Variants in SHROOM3 observed in about 807,000 individuals in gnomAD.
SHROOM3 encodes protein Shroom3.
In SHROOM3, 47 loss-of-function variants were observed where a neutral mutation model predicts 138.6. The observed-to-expected ratio is 0.34, with a 90% confidence interval of 0.27 to 0.43. The LOEUF is 0.43. SHROOM3 is among the 20% of genes least tolerant of loss of function. SHROOM3 has a pLI of 1.00. For synonymous variants in SHROOM3, 1,062 were observed against 1,063.3 expected (o/e 1.00, Z 0.02); for missense variants, 2,491 against 2,596.5 (o/e 0.96, Z 0.88).
chr4:76,589,722 C>T (rs4565104), intron 2 of SHROOM3, among the ~76,000 whole-genome samples: 57,391 of 152,002 alleles, frequency 0.38, 11,147 homozygotes, highest in East Asian at 0.54. Context: ...CCTCCAGGGG[C>T]GGGGGTCCCA....
At chr4:76,452,771 G>T (rs7439584) in intron 1 of SHROOM3, among the ~76,000 whole-genome samples, 150,461 of 152,274 alleles carry the variant, frequency 0.99, 74,357 homozygotes, top group East Asian at 1. Context: ...AGGCTGGAGT[G>T]CAATGGCACG....
intron 1 of SHROOM3, among the ~76,000 whole-genome samples, chr4:76,452,683 T>C (rs1730949240): frequency 6.6e-6 from 1 of 152,226 alleles, no homozygotes; most frequent in African/African-American, 2.4e-5. Context: ...TTGTGAATAG[T>C]GAGCTATGTA....
chr4:76,552,086 C>A (rs898919404), intron 1 of SHROOM3, among the ~76,000 whole-genome samples: 1 of 150,138 alleles, frequency 6.7e-6, no homozygotes, highest in Non-Finnish European at 1.5e-5. Context: ...TGGACTCGAT[C>A]TCCTGACCTT....
chr4:76,650,440 A>G (rs1735929261), intron 2 of SHROOM3, among the ~76,000 whole-genome samples: 2 of 152,224 alleles, frequency 1.3e-5, no homozygotes, highest in South Asian at 4.1e-4. Context: ...TGCAGGGTAT[A>G]TACCTCAAAG....
chr4:76,695,374 T>A (rs919994312), intron 2 of SHROOM3, among the ~76,000 whole-genome samples: 9 of 152,178 alleles, frequency 5.9e-5, no homozygotes, highest in African/African-American at 2.2e-4. Context: ...GAGGTCTATG[T>A]AGGGATGGAC....
chr4:76,500,040 T>G (rs777113362), intron 1 of SHROOM3, among the ~76,000 whole-genome samples: 1 of 152,210 alleles, frequency 6.6e-6, no homozygotes, highest in Non-Finnish European at 1.5e-5. Context: ...TTAAATGTGT[T>G]GCCTAAAGGC....
intron 2 of SHROOM3, among the ~76,000 whole-genome samples, chr4:76,605,611 T>C (rs1734596719): frequency 6.6e-6 from 1 of 152,120 alleles, no homozygotes; most frequent in South Asian, 2.1e-4. Flanking sequence ...AATTGCTTAG[T>C]TGTTGAGAGA....
Position 76,756,611 on chromosome 4 carries a change from T to G in SHROOM3, c.4872T>G (p.Leu1624=). 1 of 1,613,734 alleles carries G rather than the reference T, an allele frequency of 6.2e-7. No individual in the cohort carries two copies. The highest frequency in any genetic ancestry group is 8.5e-7 in the Non-Finnish European group (1 of 1,179,934). The change falls in exon 8 of 11, where the codon CTT becomes CTG. Residue 1624 remains leucine (L), a synonymous_variant. Transcript: ENST00000296043. ...CCTTCATGAGCGTTCACGCCCAACT[T>G]GCTGGGTCTCTTGGTGGGCAGCCAG... ...PPSFMSVHAQ[L]AGSLGGQPAP...
At chr4:76,533,129 T>C (rs1261825874) in intron 1 of SHROOM3, among the ~76,000 whole-genome samples, 1 of 152,194 alleles carries the variant, frequency 6.6e-6, no homozygotes. Flanking sequence ...CCATTGAATA[T>C]TTTTGGACCA....
intron 1 of SHROOM3, among the ~76,000 whole-genome samples, chr4:76,479,635 A>G (rs1731563273): frequency 6.6e-6 from 1 of 152,186 alleles, no homozygotes; most frequent in South Asian, 2.1e-4. Context: ...AGAGAATACC[A>G]TAAAGATACT....
Position 76,770,708 on chromosome 4 carries a change from A to G in SHROOM3, c.5432A>G (p.Asn1811Ser), listed in dbSNP as rs1426012862. The change falls in exon 10 of 11, where the codon AAC (asparagine) becomes AGC (serine). Residue 1811 changes from asparagine to serine, a missense_variant. Asn to Ser is a conservative substitution (Grantham distance 46, BLOSUM62 1). Transcript: ENST00000296043. ...KGSLLTDIKL[N>S]NALGEEVEAL... is the part of the protein sequence containing the mutation. ...AGCCTGCTCACGGACATCAAGCTCA[A>G]CAACGCCCTGGGAGAAGAGGTGGAG... is the stretch of plus-strand genomic sequence containing the variant. The G allele has an allele frequency of 6.2e-7, 1 of 1,614,190 alleles. No individual in the cohort carries two copies. The highest frequency in any genetic ancestry group is 8.5e-7 in the Non-Finnish European group (1 of 1,180,036).
chr4:76,731,509 A>T (rs900909800), intron 4 of SHROOM3, among the ~76,000 whole-genome samples: 5 of 152,144 alleles, frequency 3.3e-5, no homozygotes, highest in Admixed American at 6.5e-5. Flanking sequence ...GGCTGGGTGC[A>T]GTGGCTTATG....
chr4:76,658,249 C>T (rs2110091711), intron 2 of SHROOM3, among the ~76,000 whole-genome samples: 1 of 152,282 alleles, frequency 6.6e-6, no homozygotes, highest in South Asian at 2.1e-4. Context: ...TGTTTGCTAC[C>T]TTAGTTGGAA....
intron 2 of SHROOM3, among the ~76,000 whole-genome samples, chr4:76,587,846 T>C (rs1163523511): frequency 1.3e-5 from 2 of 152,236 alleles, no homozygotes; most frequent in Admixed American, 6.5e-5. Context: ...AGTGAATTTA[T>C]AAATGTTGAA....
rs544841258 is a variant in SHROOM3 at position 76,620,659 on chromosome 4, C to T, written c.323+64896C>T. Among the ~76,000 whole-genome samples the T allele has an allele frequency of 5.3e-5, 8 of 152,164 alleles. No homozygotes were observed. The South Asian group carries it at 1.7e-3, about 32-fold the overall frequency. On this transcript the variant is annotated intron_variant, in intron 2 of 10. Coordinates refer to ENST00000296043, the MANE Select transcript of SHROOM3 (RefSeq NM_020859.4). The stretch of plus-strand genomic sequence containing the variant: ...CGTTTGGACAAACTTGAAAGCCCGA[C>T]TACAGGGGATTAATAAATGTGAGTG...
At chr4:76,601,168 A>G (rs1344274846) in intron 2 of SHROOM3, among the ~76,000 whole-genome samples, 1 of 152,220 alleles carries the variant, frequency 6.6e-6, no homozygotes, top group Non-Finnish European at 1.5e-5. Context: ...ACAGTTAAAA[A>G]TTTACATCAG....
At position 76,754,805 on chromosome 4, in the gene SHROOM3, G is replaced by C. The variant is rs778669488; in HGVS notation, c.4322G>C (p.Ser1441Thr). The C allele has an allele frequency of 6.8e-6, 11 of 1,614,044 alleles. No individual in the cohort carries two copies. In the South Asian group the frequency reaches 9.9e-5, roughly 14 times the overall value. ...TGGGCCCACGCAGCCAGAGAGGACA[G>C]CCTTCCTGAGGAATCCTCAGCCCCT... Reference protein sequence around the residue: ...AKWAHAAREDSLPEESSAPDF... With the variant: ...AKWAHAAREDTLPEESSAPDF... Residue 1441 changes from serine (S) to threonine (T), a missense_variant, in exon 7 of 11, where the codon AGC becomes ACC. Transcript: ENST00000296043.
At chr4:76,589,566 G>A (rs1734222900) in intron 2 of SHROOM3, among the ~76,000 whole-genome samples, 1 of 152,184 alleles carries the variant, frequency 6.6e-6, no homozygotes, top group Admixed American at 6.5e-5. Context: ...AAACTCTGGT[G>A]TTGGAATGTA....
Position 76,488,012 on chromosome 4 carries a change from T to G in SHROOM3, c.168+51792T>G, listed in dbSNP as rs933391501. Among the ~76,000 whole-genome samples the G allele has an allele frequency of 5.9e-5, 9 of 152,326 alleles. No individual in the cohort carries two copies. In the East Asian group the frequency reaches 1.3e-3, roughly 23 times the overall value. The stretch of plus-strand genomic sequence containing the variant: ...TATGTGTGTCATCTTGGTTTCTATG[T>G]CCCTTGTAAATTATGTTGTTTACCC... On this transcript the variant is annotated intron_variant, in intron 1 of 10. Transcript: ENST00000296043.
Sources: allele counts gnomAD v4.1 joint callset (sites outside exome capture counted in the v4.1 genomes callset), GRCh38; gene constraint gnomAD v4.1.1; transcripts MANE v1.5; gene names NCBI Gene and HGNC (gene_info 2026-07-23, HGNC 2026-07-21).